Variants in KIF26B observed in about 807,000 individuals in gnomAD.
KIF26B encodes the protein kinesin-like protein KIF26B.
In KIF26B, 63 loss-of-function variants were observed where a neutral mutation model predicts 151.2. That is an observed-to-expected ratio of 0.42 (90% confidence interval 0.34 to 0.51). KIF26B has a LOEUF of 0.51. Among genes scored for constraint, KIF26B ranks in the 20% least tolerant of loss-of-function variants. KIF26B has a pLI of 0.07. For missense variants in KIF26B, 2,813 were observed against 2,913.6 expected (o/e 0.97, Z 0.79); for synonymous variants, 1,357 against 1,262.1 (o/e 1.08, Z -1.59).
At position 245,480,277 on chromosome 1, in the gene KIF26B, G is replaced by C. The variant is rs113764510; in HGVS notation, c.1167-60490G>C. ...CTGAGCAACAAAGACCCTGTCTCGG[G>C]GGGGAGGAAAGAAAAAAAACTGCCG... On this transcript the variant is annotated intron_variant, in intron 4 of 14. Transcript: ENST00000407071. 2.9e-4 allele frequency among the ~76,000 whole-genome samples: 43 copies of C among 150,546 alleles called. 3 individuals are homozygous for C. Among genetic ancestry groups the C allele is most frequent in the South Asian group, 2.4e-3 (11 of 4,650 alleles).
chr1:245,698,375 C>A lies in KIF26B; in HGVS notation c.6027+67C>A. ...GCTCCCCACCAAGCCTGAGCAGGTG[C>A]TAGGCAGGGCCCTGGGGAAGAAAAC... On this transcript the variant is annotated intron_variant, in intron 13 of 14. Coordinates refer to ENST00000407071, the MANE Select transcript of KIF26B (RefSeq NM_018012.4). This position sits in a 1 kb window ranked among gnomAD's most constrained non-coding sequence, Gnocchi z 4.0. 7.0e-7 allele frequency: 1 copy of A among 1,423,110 alleles called. No homozygotes were observed. 88.2% of individuals were successfully genotyped at this position (1,423,110 alleles called of 1,614,324 possible).
chr1:245,570,865 T>C (rs1257719180), intron 5 of KIF26B, among the ~76,000 whole-genome samples: 2 of 152,254 alleles, frequency 1.3e-5, no homozygotes, highest in African/African-American at 4.8e-5. Context: ...AGAATGAGGA[T>C]ATATTGGTCT....
At chr1:245,543,997 C>T (rs1003717292) in intron 5 of KIF26B, among the ~76,000 whole-genome samples, 5 of 151,958 alleles carry the variant, frequency 3.3e-5, no homozygotes, top group African/African-American at 1.2e-4. Context: ...AAGACCCTGC[C>T]TCTTCCTGCA....
At chr1:245,670,648 G>A (rs901324169) in intron 10 of KIF26B, among the ~76,000 whole-genome samples, 1 of 149,254 alleles carries the variant, frequency 6.7e-6, no homozygotes, top group African/African-American at 2.6e-5. Context: ...CACAAATGAG[G>A]AGAGAAAATG....
chr1:245,660,630 C>G (rs892573314), intron 10 of KIF26B, among the ~76,000 whole-genome samples: 2 of 151,996 alleles, frequency 1.3e-5, no homozygotes, highest in Admixed American at 1.3e-4. Context: ...CATGAGCCAC[C>G]GCACCCAGCC....
intron 2 of KIF26B, among the ~76,000 whole-genome samples, chr1:245,158,457 A>G (rs903055855): frequency 7.9e-5 from 11 of 139,632 alleles, no homozygotes; most frequent in African/African-American, 2.9e-4. Context: ...TGCCAATTTT[A>G]TGTATGTGAT....
intron 4 of KIF26B, among the ~76,000 whole-genome samples, chr1:245,440,113 CGG>C (rs1012947714): frequency 4.6e-5 from 7 of 151,742 alleles, no homozygotes; most frequent in African/African-American, 1.7e-4. Context: ...CCCAGCTACT[CGG>C]GAGGCTGAGG....
At chr1:245,295,815 GAA>G (rs1189761546) in intron 2 of KIF26B, among the ~76,000 whole-genome samples, 1 of 152,162 alleles carries the variant, frequency 6.6e-6, no homozygotes, top group African/African-American at 2.4e-5. Context: ...ATTTGCCTGA[GAA>G]ACTCTTTGGG....
intron 5 of KIF26B, among the ~76,000 whole-genome samples, chr1:245,568,439 G>A (rs2043033456): frequency 6.6e-6 from 1 of 151,244 alleles, no homozygotes; most frequent in Non-Finnish European, 1.5e-5. Context: ...GAGCGTAGGA[G>A]GTTGAGGCTG....
Position 245,702,599 on chromosome 1 carries a change from G to A in KIF26B, c.6320G>A (p.Arg2107His), listed in dbSNP as rs1260690426. Residue 2107 changes from arginine (R) to histidine (H), a missense_variant, in exon 15 of 15, where the codon CGC becomes CAC. Coordinates refer to ENST00000407071, the MANE Select transcript of KIF26B (RefSeq NM_018012.4). The surrounding 1 kb of genome is among the most constrained non-coding windows in gnomAD (Gnocchi z 4.1). ...ACCTGCTTCGACATCACCTCCAGGCGCCGGTAGATGAGCCAGACCCTTGTC... is the reference window on the plus strand; with the variant it reads ...ACCTGCTTCGACATCACCTCCAGGCACCGGTAGATGAGCCAGACCCTTGTC... ...MITCFDITSR[R>H]R is the part of the protein sequence containing the mutation. 1.4e-5 allele frequency: 22 copies of A among 1,613,626 alleles called. No homozygotes were observed. The highest frequency in any genetic ancestry group is 1.7e-4 in the Middle Eastern group (1 of 6,054).
At chr1:245,254,313 T>C (rs1488991429) in intron 2 of KIF26B, among the ~76,000 whole-genome samples, 4 of 152,166 alleles carry the variant, frequency 2.6e-5, no homozygotes, top group Admixed American at 1.3e-4. Flanking sequence ...CATATAGTAA[T>C]TTCTGCTGGA....
chr1:245,164,934 G>A (rs191453971), intron 2 of KIF26B, among the ~76,000 whole-genome samples: 10 of 152,212 alleles, frequency 6.6e-5, no homozygotes, highest in Admixed American at 2.0e-4. Context: ...TTAGCCGGGC[G>A]TGGTGGCCCA....
At chr1:245,291,182 C>T (rs1051844689) in intron 2 of KIF26B, among the ~76,000 whole-genome samples, 2 of 152,168 alleles carry the variant, frequency 1.3e-5, no homozygotes, top group African/African-American at 2.4e-5. Context: ...CTGCAGAAGT[C>T]ACAGAGCCAG....
chr1:245,227,595 G>C lies in KIF26B; in HGVS notation c.465+70912G>C, dbSNP rs983187196. 2.6e-5 allele frequency among the ~76,000 whole-genome samples: 4 copies of C among 152,212 alleles called. No individual in the cohort carries two copies. The highest frequency in any genetic ancestry group is 9.6e-5 in the African/African-American group (4 of 41,460). The stretch of plus-strand genomic sequence containing the variant: ...GTGGAATTTAAAACTTGTAATGATA[G>C]GAGAAGGGAAGAACACAGTTACAGT... On this transcript the variant is annotated intron_variant, in intron 2 of 14. Transcript: ENST00000407071. The surrounding 1 kb of genome is among the most constrained non-coding windows in gnomAD (Gnocchi z 4.1).
chr1:245,566,031 G>A (rs114995692), intron 5 of KIF26B, among the ~76,000 whole-genome samples: 1,709 of 152,274 alleles, frequency 0.011, 28 homozygotes, highest in African/African-American at 0.039. Context: ...CTAACTGAGC[G>A]AGAGCTCACT....
intron 2 of KIF26B, among the ~76,000 whole-genome samples, chr1:245,266,198 C>T (rs981330610): frequency 5.9e-5 from 9 of 152,030 alleles, no homozygotes; most frequent in Non-Finnish European, 7.4e-5. Context: ...TGAAAAGGTA[C>T]CTAATCATCA....
Position 245,366,876 on chromosome 1 carries a change from C to G in KIF26B, c.508C>G (p.Pro170Ala), listed in dbSNP as rs1185401248. The change falls in exon 3 of 15, where the codon CCC becomes GCC. Residue 170 changes from proline (P) to alanine (A), a missense_variant. By Grantham distance (27) the Pro-to-Ala change is conservative. Around this residue, in one of 3 missense-constraint regions of KIF26B, gnomAD observed 676 missense variants for 688.1 expected, o/e 0.98. Coordinates refer to ENST00000407071, the MANE Select transcript of KIF26B (RefSeq NM_018012.4). ...TGTGATTCACGACAAACTCCAGGTC[C>G]CCAACACCATCCGGAAGGCATGGAA... ...SAVIHDKLQVPNTIRKAWNDR... is the reference protein window; with the variant it reads ...SAVIHDKLQVANTIRKAWNDR... 6.2e-7 allele frequency: 1 copy of G among 1,614,034 alleles called. No individual in the cohort carries two copies. The highest frequency in any genetic ancestry group is 2.2e-5 in the East Asian group (1 of 44,878).
intron 3 of KIF26B, among the ~76,000 whole-genome samples, chr1:245,418,677 C>CT (rs1291128655): frequency 6.6e-6 from 1 of 152,006 alleles, no homozygotes; most frequent in Non-Finnish European, 1.5e-5. Flanking sequence ...AAAGTTTCCT[C>CT]TTTTTTAAAA....
chr1:245,287,496 C>T (rs10924154), intron 2 of KIF26B, among the ~76,000 whole-genome samples: 65,765 of 113,286 alleles, frequency 0.58, 19,283 homozygotes, highest in African/African-American at 0.68. Context: ...ATCTCTCTCT[C>T]TCTTTTTTTT....
Sources: allele counts gnomAD v4.1 joint callset (sites outside exome capture counted in the v4.1 genomes callset), GRCh38; gene constraint gnomAD v4.1.1; regional missense constraint gnomAD v4.1.1; non-coding constraint Gnocchi (gnomAD v3.1); transcripts MANE v1.5; gene names NCBI Gene and HGNC (gene_info 2026-07-23, HGNC 2026-07-21).